The following CHST11 variants were observed in gnomAD, a reference collection of about 807,000 sequenced individuals.
CHST11 encodes the protein carbohydrate sulfotransferase 11.
CHST11 carries 9 observed loss-of-function variants against 30.4 expected under a neutral mutation model. The observed-to-expected ratio is 0.30, with a 90% CI of 0.18 to 0.52. CHST11 has a LOEUF of 0.52. Ranked by LOEUF, CHST11 falls within the 20% of genes least tolerant of loss-of-function variation. The pLI is 0.97. For synonymous variants in CHST11, 152 were observed against 187.8 expected (o/e 0.81, Z 1.56); for missense variants, 348 against 460.6 (o/e 0.76, Z 2.24).
chr12:104,460,074 T>C (rs1252802155), intron 1 of CHST11, among the ~76,000 whole-genome samples: 1 of 152,220 alleles, frequency 6.6e-6, no homozygotes, highest in Non-Finnish European at 1.5e-5. Flanking sequence ...ACCACTGATG[T>C]GGAATCTCTT....
chr12:104,544,768 G>GCCCCCC (rs1555231405), intron 1 of CHST11, among the ~76,000 whole-genome samples: 1 of 51,984 alleles, frequency 1.9e-5, no homozygotes, highest in Non-Finnish European at 4.2e-5. Context: ...GGGGGTCACA[G>GCCCCCC]TCCCCCCACC....
chr12:104,494,642 C>T (rs1257405330), intron 1 of CHST11, among the ~76,000 whole-genome samples: 4 of 152,152 alleles, frequency 2.6e-5, no homozygotes, highest in South Asian at 2.1e-4. Flanking sequence ...ATGTCGTAGG[C>T]GTATTAGCTC....
intron 2 of CHST11, among the ~76,000 whole-genome samples, chr12:104,671,410 A>G (rs894162301): frequency 7.9e-5 from 12 of 152,174 alleles, no homozygotes; most frequent in Non-Finnish European, 1.6e-4. Flanking sequence ...AGGGTTGTTA[A>G]GAATATTCGA....
At position 104,509,488 on chromosome 12, in the gene CHST11, T is replaced by G. The variant is rs145016309; in HGVS notation, c.118+51959T>G. On this transcript the variant is annotated intron_variant, in intron 1 of 2. Transcript: ENST00000303694. Reference sequence around the variant, plus strand: ...TTTTTGAGTCTCCTGTTTTCCCCTATATAAGGGGGCAGAAAACATGTCTCT... The same window carrying G: ...TTTTTGAGTCTCCTGTTTTCCCCTAGATAAGGGGGCAGAAAACATGTCTCT... 6.1e-3 allele frequency among the ~76,000 whole-genome samples: 934 copies of G among 152,290 alleles called. 14 individuals carry two copies. Among genetic ancestry groups the G allele is most frequent in the African/African-American group, 0.021 (881 of 41,544 alleles).
chr12:104,498,736 G>C (rs960192607), intron 1 of CHST11, among the ~76,000 whole-genome samples: 2 of 152,200 alleles, frequency 1.3e-5, no homozygotes, highest in Admixed American at 1.3e-4. Flanking sequence ...CTGCTCAAGC[G>C]GATGTGGGGT....
At chr12:104,669,525 G>T (rs1384298931) in intron 2 of CHST11, among the ~76,000 whole-genome samples, 1 of 152,130 alleles carries the variant, frequency 6.6e-6, no homozygotes, top group Admixed American at 6.5e-5. Context: ...CTGAGGTTTT[G>T]TTCATTCATA....
intron 1 of CHST11, among the ~76,000 whole-genome samples, chr12:104,464,399 G>A (rs1038792222): frequency 2.0e-5 from 3 of 152,018 alleles, no homozygotes; most frequent in East Asian, 1.9e-4. Context: ...TTGGGCAGCC[G>A]GTAGTGTACT....
intron 1 of CHST11, among the ~76,000 whole-genome samples, chr12:104,540,484 G>A (rs112596296): frequency 6.6e-6 from 1 of 152,166 alleles, no homozygotes; most frequent in African/African-American, 2.4e-5. Context: ...TTTTTGTAAA[G>A]GAAGACTGAA....
At chr12:104,687,368 T>C (rs2039855762) in intron 2 of CHST11, among the ~76,000 whole-genome samples, 1 of 152,240 alleles carries the variant, frequency 6.6e-6, no homozygotes, top group Non-Finnish European at 1.5e-5. Context: ...ATAGTGATGG[T>C]TAATAACAAT....
At chr12:104,475,688 A>ATATATATATATCTATATT (rs1555226434) in intron 1 of CHST11, among the ~76,000 whole-genome samples, 1 of 78,466 alleles carries the variant, frequency 1.3e-5, no homozygotes, top group Non-Finnish European at 2.9e-5. Context: ...ATATATATAT[A>ATATATATATATCTATATT]TATTTCTGAT....
intron 2 of CHST11, among the ~76,000 whole-genome samples, chr12:104,707,298 G>A (rs967822851): frequency 2.0e-5 from 3 of 152,184 alleles, no homozygotes; most frequent in Non-Finnish European, 4.4e-5. Context: ...GTCGGGGCAG[G>A]GGTCCCCCAG....
intron 2 of CHST11, among the ~76,000 whole-genome samples, chr12:104,669,976 A>T (rs2039674952): frequency 6.6e-6 from 1 of 152,274 alleles, no homozygotes; most frequent in South Asian, 2.1e-4. Flanking sequence ...GAAATTGCTC[A>T]ACTCAACAAA....
chr12:104,595,651 G>A (rs2038900881), intron 1 of CHST11, among the ~76,000 whole-genome samples: 1 of 152,200 alleles, frequency 6.6e-6, no homozygotes, highest in Non-Finnish European at 1.5e-5. Context: ...CCAGGGCTGG[G>A]ATCCAGCTCT....
At chr12:104,722,730 C>G (rs536231609) in intron 2 of CHST11, among the ~76,000 whole-genome samples, 12 of 152,060 alleles carry the variant, frequency 7.9e-5, no homozygotes, top group African/African-American at 2.9e-4. Context: ...CCCCATCCCC[C>G]TGCAGGTCAT....
At chr12:104,668,447 G>A (rs189546566) in intron 2 of CHST11, among the ~76,000 whole-genome samples, 6 of 152,264 alleles carry the variant, frequency 3.9e-5, no homozygotes, top group Admixed American at 1.3e-4. Context: ...GCGTTGGGAC[G>A]TCAGCTGGGT....
At chr12:104,462,181 A>AAG (rs1565950258) in intron 1 of CHST11, among the ~76,000 whole-genome samples, 2 of 148,650 alleles carry the variant, frequency 1.3e-5, no homozygotes, top group East Asian at 2.0e-4. Flanking sequence ...AAAAAAAAAA[A>AAG]AAAAGAAAAA....
rs546282585 is a variant in CHST11, at chr12:104,514,645, T to C, written c.118+57116T>C. 1.2e-4 allele frequency among the ~76,000 whole-genome samples: 18 copies of C among 152,190 alleles called. 1 individual carries two copies. The highest frequency in any genetic ancestry group is 4.3e-4 in the African/African-American group (18 of 41,492). On this transcript the variant is annotated intron_variant, in intron 1 of 2. Coordinates refer to ENST00000303694, the MANE Select transcript of CHST11 (RefSeq NM_018413.6). ...GGCTTCAGGAAGCTTCCACTCAGGA[T>C]TGAAGGCAAAGAAAAACTGGCTTAT...
intron 1 of CHST11, among the ~76,000 whole-genome samples, chr12:104,497,240 A>G (rs2037807520): frequency 6.6e-6 from 1 of 152,236 alleles, no homozygotes. Context: ...CAAATAAATG[A>G]TTATGAGGTC....
intron 1 of CHST11, among the ~76,000 whole-genome samples, chr12:104,578,530 C>T (rs1335710567): frequency 6.6e-6 from 1 of 152,102 alleles, no homozygotes; most frequent in East Asian, 1.9e-4. Flanking sequence ...GTGATGAGAG[C>T]GCTGGGTCCG....
Sources: gnomAD v4.1 joint callset for allele counts (sites outside exome capture counted in the v4.1 genomes callset) on GRCh38, gnomAD v4.1.1 for gene constraint, MANE v1.5 for transcripts, NCBI Gene and HGNC (gene_info 2026-07-23, HGNC 2026-07-21) for gene names.